The following PTGER3 variants were observed in gnomAD, a reference collection of about 807,000 sequenced individuals.
PTGER3 encodes the protein prostaglandin E2 receptor EP3 subtype.
A neutral mutation model predicts 34.7 loss-of-function variants in PTGER3; 22 were observed. The ratio of observed to expected loss-of-function variants is 0.63; its 90% confidence interval spans 0.45 to 0.91. PTGER3 has a LOEUF of 0.91. Ranked by LOEUF, PTGER3 falls within the 40% of genes least tolerant of loss-of-function variation. The pLI is 0.00. For missense variants in PTGER3, 468 were observed against 519.4 expected (o/e 0.90, Z 0.96); for synonymous variants, 241 against 230.1 (o/e 1.05, Z -0.43).
chr1:70,929,265 G>A lies in PTGER3; in HGVS notation c.*23+24498C>T, dbSNP rs376060542. ...GGTTTTCCCCATTTACCTTCAAACT[G>A]TAAAAACTGTGGAGTTCTTGTCTAT... On this transcript the variant is annotated intron_variant, in intron 4 of 4. Transcript: ENST00000370931. 1.8e-4 allele frequency among the ~76,000 whole-genome samples: 28 copies of A among 152,224 alleles called. 1 individual carries two copies. The East Asian group carries it at 4.6e-3, about 25-fold the overall frequency.
Position 70,971,162 on chromosome 1 carries a change from C to A in PTGER3, c.*568G>T, listed in dbSNP as rs1653039024. 1 of 985,290 alleles carries A rather than the reference C, an allele frequency of 1.0e-6. No homozygotes were observed. The highest frequency in any genetic ancestry group is 1.7e-5 in the African/African-American group (1 of 57,294). The allele number at this position is 985,290 out of a possible 1,614,324, so 61.0% of individuals were successfully genotyped here. A position where few individuals can be genotyped will look rare whatever the true frequency, so the allele number is the denominator to read the frequency against. On this transcript the variant is annotated 3_prime_UTR_variant, in exon 4 of 4. Coordinates refer to ENST00000306666, the MANE Select transcript of PTGER3 (RefSeq NM_198719.2). ...AGGAACTTTTAGTTCCATGCTAAGCCCACAGGGACACAACATCTCTAAAAC... is the reference window on the plus strand; with the variant it reads ...AGGAACTTTTAGTTCCATGCTAAGCACACAGGGACACAACATCTCTAAAAC...
At chr1:70,964,897 GAC>G (rs1652350164) in intron 2 of PTGER3, among the ~76,000 whole-genome samples, 1 of 152,174 alleles carries the variant, frequency 6.6e-6, no homozygotes, top group South Asian at 2.1e-4. Flanking sequence ...AGACACACCA[GAC>G]GTGGAAGTGA....
intron 1 of PTGER3, among the ~76,000 whole-genome samples, chr1:71,040,083 AGAAAGAAAGAAAGAAG>A (rs892701498): frequency 3.3e-4 from 49 of 147,804 alleles, no homozygotes; most frequent in African/African-American, 1.0e-3. Flanking sequence ...GAGGGAGGGA[AGAAAGAAAGAAAGAAG>A]GAAAGAAAGA....
At chr1:71,027,583 T>C (rs1659043083) in intron 1 of PTGER3, among the ~76,000 whole-genome samples, 2 of 152,242 alleles carry the variant, frequency 1.3e-5, no homozygotes, top group South Asian at 4.1e-4. Context: ...TTTTCATCTA[T>C]TTCTCTAAAG....
chr1:71,016,837 T>C (rs1430618797), intron 1 of PTGER3, among the ~76,000 whole-genome samples: 1 of 152,090 alleles, frequency 6.6e-6, no homozygotes. Flanking sequence ...TAAAAACATT[T>C]CAAATGATGT....
At chr1:70,989,898 C>T (rs544478065) in intron 2 of PTGER3, among the ~76,000 whole-genome samples, 18 of 152,060 alleles carry the variant, frequency 1.2e-4, no homozygotes, top group South Asian at 6.2e-4. Context: ...CACACACACA[C>T]GCACACACAC....
intron 2 of PTGER3, among the ~76,000 whole-genome samples, chr1:70,954,285 T>C (rs548539447): frequency 1.3e-4 from 20 of 152,254 alleles, no homozygotes; most frequent in African/African-American, 4.8e-4. Context: ...ATGTCCACTT[T>C]TTGGGTCCAC....
At chr1:70,922,679 T>A (rs1647652515) in intron 4 of PTGER3, among the ~76,000 whole-genome samples, 1 of 151,270 alleles carries the variant, frequency 6.6e-6, no homozygotes, top group Admixed American at 6.6e-5. Context: ...CTGAGACTAC[T>A]AAAAAAAAAC....
chr1:71,024,466 T>A (rs1291278887), intron 1 of PTGER3, among the ~76,000 whole-genome samples: 1 of 152,096 alleles, frequency 6.6e-6, no homozygotes, highest in Non-Finnish European at 1.5e-5. Context: ...TAGGGATCAA[T>A]TCTATCCTAT....
At position 71,012,322 on chromosome 1, in the gene PTGER3, G is replaced by T. The variant is rs1408311867; in HGVS notation, c.1060C>A (p.Leu354Ile). The change falls in exon 2 of 4, where the codon CTT becomes ATT. Residue 354 changes from leucine to isoleucine, a missense_variant. Transcript: ENST00000306666. ...TTTGCTACCTGGCAAAACTTTCGAA[G>T]AAGGATCTTTCTTAACAGCAGGTAA... The part of the protein sequence containing the change: ...WVYLLLRKIL[L>I]RKFCQIRYHT... 1 of 1,614,158 alleles carries T rather than the reference G, an allele frequency of 6.2e-7. No individual in the cohort carries two copies. Among genetic ancestry groups the T allele is most frequent in the South Asian group, 1.1e-5 (1 of 91,082 alleles).
chr1:71,010,843 A>C, intron 2 of PTGER3: 1 of 984,834 alleles, frequency 1.0e-6, no homozygotes, highest in Non-Finnish European at 1.2e-6. Flanking sequence ...GTATATATCA[A>C]TCTGATAGAC....
chr1:70,974,502 GA>G, intron 2 of PTGER3, 114 bp from the exon 3 acceptor site: 1 of 638,236 alleles, frequency 1.6e-6, no homozygotes, highest in Admixed American at 2.5e-5. Context: ...GGATGTTTTA[GA>G]TATTACCTTC....
intron 4 of PTGER3, among the ~76,000 whole-genome samples, chr1:70,919,222 A>G (rs1647305111): frequency 6.6e-6 from 1 of 152,098 alleles, no homozygotes; most frequent in Non-Finnish European, 1.5e-5. Flanking sequence ...ATCTAACCCA[A>G]TCCAAATAGA....
chr1:70,971,842 T>C, intron 3 of PTGER3, 109 bp from the exon 4 acceptor site: 1 of 711,144 alleles, frequency 1.4e-6, no homozygotes, highest in East Asian at 2.9e-5. Context: ...TTGTTTGCTT[T>C]AAACGTTTAA....
chr1:71,044,082 C>T (rs1573016208), intron 1 of PTGER3, among the ~76,000 whole-genome samples: 2 of 150,860 alleles, frequency 1.3e-5, no homozygotes, highest in South Asian at 2.1e-4. Flanking sequence ...TCCCAAAGTG[C>T]TGGGATTACA....
intron 4 of PTGER3, among the ~76,000 whole-genome samples, chr1:70,939,405 G>A (rs1049660269): frequency 6.6e-6 from 1 of 152,232 alleles, no homozygotes; most frequent in Non-Finnish European, 1.5e-5. Flanking sequence ...GGGTCTGGAG[G>A]AAGGTGGCCC....
chr1:70,925,676 A>T (rs918348795), intron 4 of PTGER3, among the ~76,000 whole-genome samples: 3 of 152,190 alleles, frequency 2.0e-5, no homozygotes, highest in Admixed American at 2.0e-4. Flanking sequence ...TAATATTTAT[A>T]AATAAATACA....
intron 1 of PTGER3, among the ~76,000 whole-genome samples, chr1:71,039,113 G>A (rs941361229): frequency 1.3e-5 from 2 of 152,244 alleles, no homozygotes; most frequent in Non-Finnish European, 2.9e-5. Context: ...GGTGGGGAGG[G>A]GAACTGTTCA....
In PTGER3 at chr1:70,970,953, A is replaced by G. The variant is rs1653015779; in HGVS notation, c.*777T>C. 1.0e-6 allele frequency: 1 copy of G among 985,420 alleles called. No individual in the cohort carries two copies. The highest frequency in any genetic ancestry group is 1.2e-6 in the Non-Finnish European group (1 of 829,930). The allele number at this position is 985,420 out of a possible 1,614,324, so 61.0% of individuals were successfully genotyped here. A position where few individuals can be genotyped will look rare whatever the true frequency, so the allele number is the denominator to read the frequency against. ...AATCCTGACTTGGTCATGGTGAATCAGAAGGCCTACCTGGATTTTTTTATC... is the reference window on the plus strand; with the variant it reads ...AATCCTGACTTGGTCATGGTGAATCGGAAGGCCTACCTGGATTTTTTTATC... On this transcript the variant is annotated 3_prime_UTR_variant, in exon 4 of 4. Coordinates refer to ENST00000306666, the MANE Select transcript of PTGER3 (RefSeq NM_198719.2).
Sources: allele counts gnomAD v4.1 joint callset (sites outside exome capture counted in the v4.1 genomes callset), GRCh38; gene constraint gnomAD v4.1.1; transcripts MANE v1.5; gene names NCBI Gene and HGNC (gene_info 2026-07-23, HGNC 2026-07-21).